Variants in KLHL5 observed in about 807,000 individuals in gnomAD.
KLHL5 encodes the protein kelch-like protein 5.
A neutral mutation model predicts 77.7 loss-of-function variants in KLHL5; 48 were observed. The observed-to-expected ratio is 0.62, with a 90% CI of 0.49 to 0.79. The LOEUF is 0.79. Among genes scored for constraint, KLHL5 ranks in the 30% least tolerant of loss-of-function variants. The pLI is 0.00. For missense variants in KLHL5, 723 were observed against 859.7 expected, an observed-to-expected ratio of 0.84 and a Z score of 1.99; for synonymous variants, 260 against 297.0, an observed-to-expected ratio of 0.88 and a Z score of 1.28.
chr4:39,053,958 T>A (rs996472506), intron 1 of KLHL5, among the ~76,000 whole-genome samples: 11 of 152,210 alleles, frequency 7.2e-5, no homozygotes, highest in African/African-American at 2.7e-4. Context: ...ACTTGGTGAA[T>A]AAATGTCATT....
In KLHL5 at chr4:39,086,728, G is replaced by A; in HGVS notation, c.1113+1G>A. The A allele has an allele frequency of 6.2e-7, 1 of 1,602,344 alleles. No homozygotes were observed. Among genetic ancestry groups the A allele is most frequent in the Non-Finnish European group, 8.6e-7 (1 of 1,169,488 alleles). On this transcript the variant is annotated splice_donor_variant, in intron 5 of 10. Coordinates refer to ENST00000504108, the MANE Select transcript of KLHL5 (RefSeq NM_015990.5). LOFTEE classifies it high-confidence loss of function. ...TAGGCTACCTCTTCTTGCACCACAG[G>A]TAATTAATAGGCACTTGTTTATAGG...
At chr4:39,096,602 TA>T in intron 5 of KLHL5, 89 bp from the exon 6 acceptor site, 1 of 873,502 alleles carries the variant, frequency 1.1e-6, no homozygotes, top group Non-Finnish European at 1.8e-6. Flanking sequence ...TAAAAATATG[TA>T]AAATCCATTT....
Position 39,124,787 on chromosome 4 carries a change from C to A in KLHL5, c.*3721C>A. ...GGTTTCTTAGATATGGCACCAAAAGCACAAGCAACAACAGCAAAAAAAAAA... is the reference window on the plus strand; with the variant it reads ...GGTTTCTTAGATATGGCACCAAAAGAACAAGCAACAACAGCAAAAAAAAAA... On this transcript the variant is annotated 3_prime_UTR_variant, in exon 11 of 11. Transcript: ENST00000504108. Among the ~76,000 whole-genome samples the A allele has an allele frequency of 1.6e-5, 1 of 63,290 alleles. No individual in the cohort carries two copies. The highest frequency in any genetic ancestry group is 4.5e-4 in the South Asian group (1 of 2,200). The allele number at this position is 63,290 out of a possible 152,430, so 41.5% of individuals were successfully genotyped here. A position where few individuals can be genotyped will look rare whatever the true frequency, so the allele number is the denominator to read the frequency against.
chr4:39,092,219 G>T (rs13117988), intron 5 of KLHL5, among the ~76,000 whole-genome samples: 70,690 of 151,854 alleles, frequency 0.47, 17,533 homozygotes, highest in Admixed American at 0.56. Context: ...GTTCATGAAA[G>T]TATATATTTT....
the KLHL5 span, among the ~76,000 whole-genome samples, chr4:39,138,037 A>G: frequency 1.3e-5 from 2 of 152,274 alleles, no homozygotes; most frequent in African/African-American, 4.8e-5. Context: ...CCACACTATT[A>G]TTACAAAGTC....
intron 7 of KLHL5, among the ~76,000 whole-genome samples, chr4:39,107,157 C>T (rs1018509388): frequency 4.6e-5 from 7 of 151,802 alleles, no homozygotes; most frequent in Non-Finnish European, 1.0e-4. Flanking sequence ...AAGCGATCCT[C>T]CTGCCTCAGC....
intron 5 of KLHL5, among the ~76,000 whole-genome samples, 177 bp downstream of exon 5, chr4:39,086,904 CTTTTTTTTTTT>C (rs71643263): frequency 1.4e-3 from 108 of 78,356 alleles, no homozygotes; most frequent in African/African-American, 5.4e-3. Context: ...AAGTAACATT[CTTTTTTTTTTT>C]TTTTTTTTTT....
Position 39,081,874 on chromosome 4 carries a change from A to G in KLHL5, c.704-89A>G. 1.1e-6 allele frequency: 1 copy of G among 938,794 alleles called. No individual in the cohort carries two copies. Among genetic ancestry groups the G allele is most frequent in the Non-Finnish European group, 1.5e-6 (1 of 650,250 alleles). The allele number at this position is 938,794 out of a possible 1,614,324, so 58.2% of individuals were successfully genotyped here. ...TCTGTAATGCATGTAATGAGCTCTT[A>G]TATGGAACCACTACTGTTAACATCA... On this transcript the variant is annotated intron_variant, in intron 3 of 10. Coordinates refer to ENST00000504108, the MANE Select transcript of KLHL5 (RefSeq NM_015990.5). This position sits in a 1 kb window ranked among gnomAD's most constrained non-coding sequence, Gnocchi z 4.3.
chr4:39,075,870 T>C lies in KLHL5; in HGVS notation c.384-95T>C, dbSNP rs940938480. Reference sequence around the variant, plus strand: ...ATATTGATAGGTAGCATTGATTTCTTCTATTACATTTGAAGGCTTTCAAAA... The same window carrying C: ...ATATTGATAGGTAGCATTGATTTCTCCTATTACATTTGAAGGCTTTCAAAA... On this transcript the variant is annotated intron_variant, in intron 1 of 10. Coordinates refer to ENST00000504108, the MANE Select transcript of KLHL5 (RefSeq NM_015990.5). 5 of 968,530 alleles carry C rather than the reference T, an allele frequency of 5.2e-6. No homozygotes were observed. The African/African-American group carries it at 6.6e-5, about 13-fold the overall frequency. The allele number at this position is 968,530 out of a possible 1,614,324, so 60.0% of individuals were successfully genotyped here.
At chr4:39,046,083 T>C (rs1716165489) in intron 1 of KLHL5, among the ~76,000 whole-genome samples, 1 of 151,944 alleles carries the variant, frequency 6.6e-6, no homozygotes, top group African/African-American at 2.4e-5. Flanking sequence ...TTGACTGCAT[T>C]GTGAATGTGT....
At chr4:39,050,228 T>C (rs748819489) in intron 1 of KLHL5, among the ~76,000 whole-genome samples, 4 of 152,206 alleles carry the variant, frequency 2.6e-5, no homozygotes, top group Non-Finnish European at 5.9e-5. Context: ...ACTAAATATA[T>C]AAACTGTTAC....
chr4:39,053,108 G>GT (rs1428057986), intron 1 of KLHL5, among the ~76,000 whole-genome samples: 1 of 152,174 alleles, frequency 6.6e-6, no homozygotes, highest in Non-Finnish European at 1.5e-5. Flanking sequence ...AACATTTGTA[G>GT]TGATTAACCA....
At chr4:39,088,746 G>C (rs937696706) in intron 5 of KLHL5, among the ~76,000 whole-genome samples, 1 of 152,194 alleles carries the variant, frequency 6.6e-6, no homozygotes, top group African/African-American at 2.4e-5. Flanking sequence ...TTCTTACAGT[G>C]TTATTTGATC....
In KLHL5 at chr4:39,124,069, A is replaced by G. The variant is rs1365595494; in HGVS notation, c.*3003A>G. Among the ~76,000 whole-genome samples the G allele has an allele frequency of 6.6e-6, 1 of 152,214 alleles. No individual in the cohort carries two copies. Among genetic ancestry groups the G allele is most frequent in the Non-Finnish European group, 1.5e-5 (1 of 68,040 alleles). On this transcript the variant is annotated 3_prime_UTR_variant, in exon 11 of 11. Coordinates refer to ENST00000504108, the MANE Select transcript of KLHL5 (RefSeq NM_015990.5). ...AAACAATTTCATTTACAATAACATG[A>G]AAAAGAATAAAATACTTAGAAATAA... is the stretch of plus-strand genomic sequence containing the variant.
chr4:39,126,076 G>A lies in KLHL5; in HGVS notation c.*5010G>A, dbSNP rs968268447. 6.6e-6 allele frequency among the ~76,000 whole-genome samples: 1 copy of A among 152,038 alleles called. No homozygotes were observed. The highest frequency in any genetic ancestry group is 2.4e-5 in the African/African-American group (1 of 41,392). On this transcript the variant is annotated 3_prime_UTR_variant, in exon 11 of 11. Coordinates refer to ENST00000504108, the MANE Select transcript of KLHL5 (RefSeq NM_015990.5). Reference sequence around the variant, plus strand: ...GAGAACCATGAGGGGAGAGTTAACGGGGAACTTCCCCACCGTCCGGTACAT... The same window carrying A: ...GAGAACCATGAGGGGAGAGTTAACGAGGAACTTCCCCACCGTCCGGTACAT...
upstream of KLHL5, among the ~76,000 whole-genome samples, chr4:39,061,509 C>A (rs1310376657): frequency 6.6e-6 from 1 of 152,190 alleles, no homozygotes; most frequent in Non-Finnish European, 1.5e-5. Context: ...ATATATATCT[C>A]TGTGTCCCTG....
Position 39,086,499 on chromosome 4 carries a change from T to C in KLHL5, c.901-16T>C, listed in dbSNP as rs967537137. On this transcript the variant is annotated splice_polypyrimidine_tract_variant and intron_variant, in intron 4 of 10. Transcript: ENST00000504108. The stretch of plus-strand genomic sequence containing the variant: ...AGAAGGAACAATATTGTTTATCTGC[T>C]ATTTCTTCCCTCTAGGAGCATTTCA... 1 of 1,590,930 alleles carries C rather than the reference T, an allele frequency of 6.3e-7. No individual in the cohort carries two copies. Among genetic ancestry groups the C allele is most frequent in the African/African-American group, 1.3e-5 (1 of 74,568 alleles).
chr4:39,050,189 A>G (rs1350255445), intron 1 of KLHL5, among the ~76,000 whole-genome samples: 1 of 152,218 alleles, frequency 6.6e-6, no homozygotes, highest in Non-Finnish European at 1.5e-5. Flanking sequence ...AATGATGTGT[A>G]TACACACATA....
At position 39,123,600 on chromosome 4, in the gene KLHL5, G is replaced by A. The variant is rs989771511; in HGVS notation, c.*2534G>A. Reference sequence around the variant, plus strand: ...TAATATACCATATTAATAGAATGAAGGGGAAAAAACAGCATGATCACCTCA... The same window carrying A: ...TAATATACCATATTAATAGAATGAAAGGGAAAAAACAGCATGATCACCTCA... On this transcript the variant is annotated 3_prime_UTR_variant, in exon 11 of 11. Coordinates refer to ENST00000504108, the MANE Select transcript of KLHL5 (RefSeq NM_015990.5). Among the ~76,000 whole-genome samples the A allele has an allele frequency of 1.3e-5, 2 of 152,056 alleles. No homozygotes were observed. Among genetic ancestry groups the A allele is most frequent in the African/African-American group, 4.8e-5 (2 of 41,414 alleles).
Sources: gnomAD v4.1 joint callset for allele counts (sites outside exome capture counted in the v4.1 genomes callset) on GRCh38, gnomAD v4.1.1 for gene constraint, Gnocchi (gnomAD v3.1) non-coding constraint, MANE v1.5 for transcripts, NCBI Gene and HGNC (gene_info 2026-07-23, HGNC 2026-07-21) for gene names.